AIPL1: variants seen among roughly 807,000 people sequenced by gnomAD.
The protein encoded by AIPL1 is AIP like 1 HSP90 co-chaperone, also known as aryl-hydrocarbon-interacting protein-like 1.
Under a neutral mutation model 32.9 loss-of-function variants are expected in AIPL1, and 23 were observed. The observed-to-expected ratio is 0.70, with a 90% CI of 0.50 to 0.99. The LOEUF (loss-of-function observed/expected upper bound fraction) is 0.99, where lower values mean the gene tolerates loss of function less well. Ranked by LOEUF, AIPL1 falls within the 50% of genes least tolerant of loss-of-function variation. AIPL1 has a pLI of 0.00. For missense variants in AIPL1, 485 were observed against 506.0 expected (o/e 0.96, Z 0.40); for synonymous variants, 210 against 209.4 (o/e 1.00, Z -0.02).
At chr17:6,432,771 C>T (rs1281121744) in intron 2 of AIPL1, among the ~76,000 whole-genome samples, 2 of 152,096 alleles carry the variant, frequency 1.3e-5, no homozygotes, top group East Asian at 3.9e-4. Context: ...GCTGGGATTA[C>T]AGGCATGTGC....
Position 6,425,738 on chromosome 17 carries a change from G to C in AIPL1, c.877C>G (p.Leu293Val). ...ACCGCCTTCTGCATGGACGGCTCCA[G>C]CTCCAGCACTTTCTGGAGGTCCGCC... ...AKADLQKVLE[L>V]EPSMQKAVRR... The change falls in exon 6 of 6, where the codon CTG becomes GTG. Residue 293 changes from leucine to valine, a missense_variant. Leu to Val is a conservative substitution (Grantham distance 32). Transcript: ENST00000381129. 1.9e-6 allele frequency: 3 copies of C among 1,607,644 alleles called. No homozygotes were observed. The highest frequency in any genetic ancestry group is 2.5e-6 in the Non-Finnish European group (3 of 1,180,000).
At chr17:6,432,931 G>A (rs1313230175) in intron 2 of AIPL1, among the ~76,000 whole-genome samples, 1 of 152,144 alleles carries the variant, frequency 6.6e-6, no homozygotes, top group Non-Finnish European at 1.5e-5. Flanking sequence ...ACAAATTTTA[G>A]TATTTACAGA....
intron 1 of AIPL1, 35 bp from the exon 2 acceptor site, chr17:6,434,133 C>T: frequency 6.2e-7 from 1 of 1,607,324 alleles, no homozygotes. Flanking sequence ...GCTCTAGACA[C>T]ACTGTTCAAG....
In AIPL1 at chr17:6,429,820, GTAGGTAGA is replaced by G. The variant is rs1186540517; in HGVS notation, c.277-1322_277-1315del. 7.4e-3 allele frequency among the ~76,000 whole-genome samples: 285 copies of G among 38,758 alleles called. 1 individual carries two copies. The highest frequency in any genetic ancestry group is 0.011 in the African/African-American group (203 of 18,874). The allele number at this position is 38,758 out of a possible 152,430, so 25.4% of individuals were successfully genotyped here. On this transcript the variant is annotated intron_variant, in intron 2 of 5. Transcript: ENST00000381129. ...ACTAGATAGGTAGGTAGGTAGGTAG[GTAGGTAGA>G]TAGATAGATAGATAGATAGATAGAT...
At position 6,428,270 on chromosome 17, in the gene AIPL1, C is replaced by T. The variant is rs773606526; in HGVS notation, c.465+48G>A. On this transcript the variant is annotated intron_variant, in intron 3 of 5. Transcript: ENST00000381129. ...GGGGTGCCCATGATGCCCGCTGTCC[C>T]TCTCCAGTGCTGGCACAGCCCTCCA... 1.7e-5 allele frequency: 27 copies of T among 1,598,452 alleles called. No individual in the cohort carries two copies. The Admixed American group carries it at 4.2e-4, about 25-fold the overall frequency.
chr17:6,431,396 C>T (rs112443619), intron 2 of AIPL1, among the ~76,000 whole-genome samples: 6,107 of 151,428 alleles, frequency 0.04, 255 homozygotes, highest in South Asian at 0.12. Flanking sequence ...GCAGAGGTTC[C>T]GGTGAGCCAA....
At position 6,425,810 on chromosome 17, in the gene AIPL1, C is replaced by T. The variant is rs774143285; in HGVS notation, c.805G>A (p.Val269Met). The T allele has an allele frequency of 6.2e-7, 1 of 1,604,600 alleles. No individual in the cohort carries two copies. Among genetic ancestry groups the T allele is most frequent in the African/African-American group, 1.3e-5 (1 of 75,020 alleles). ...HHPGIVKAYY[V>M]RARAHAEVWN... is the part of the protein sequence containing the mutation. Reference sequence around the variant, plus strand: ...ACCTCTGCGTGAGCCCGGGCACGCACGTAGTAGGCCTTCACGATGCCTGTG... The same window carrying T: ...ACCTCTGCGTGAGCCCGGGCACGCATGTAGTAGGCCTTCACGATGCCTGTG... The change falls in exon 6 of 6, where the codon GTG becomes ATG. Residue 269 changes from valine (V) to methionine (M), a missense_variant. Transcript: ENST00000381129.
chr17:6,425,738 G>A lies in AIPL1; in HGVS notation c.877C>T (p.Leu293=), dbSNP rs1005910129. 1 of 1,607,644 alleles carries A rather than the reference G, an allele frequency of 6.2e-7. No homozygotes were observed. Among genetic ancestry groups the A allele is most frequent in the Non-Finnish European group, 8.5e-7 (1 of 1,180,000 alleles). Residue 293 remains leucine (L), a synonymous_variant, in exon 6 of 6, where the codon CTG becomes TTG. Transcript: ENST00000381129. Reference sequence around the variant, plus strand: ...ACCGCCTTCTGCATGGACGGCTCCAGCTCCAGCACTTTCTGGAGGTCCGCC... The same window carrying A: ...ACCGCCTTCTGCATGGACGGCTCCAACTCCAGCACTTTCTGGAGGTCCGCC... ...AKADLQKVLE[L]EPSMQKAVRR...
In AIPL1 at chr17:6,433,931, C is replaced by T. The variant is rs62653018; in HGVS notation, c.264G>A (p.Trp88Ter). ...AGGGCCTACTTACGATGGTGTCGCA[C>T]CAGAACTCGGCCACCTCGTGCACCC... is the stretch of plus-strand genomic sequence containing the variant. The part of the protein sequence containing the change: ...SMRVHEVAEF[W>*]CDTIHTGVYP... Residue 88 changes from tryptophan (W) to a stop codon, truncating the protein, a stop_gained, in exon 2 of 6, where the codon TGG becomes TGA. Coordinates refer to ENST00000381129, the MANE Select transcript of AIPL1 (RefSeq NM_014336.5). LOFTEE classifies it high-confidence loss of function. The T allele has an allele frequency of 6.2e-7, 1 of 1,606,528 alleles. No individual in the cohort carries two copies. The highest frequency in any genetic ancestry group is 1.1e-5 in the South Asian group (1 of 91,002).
intron 2 of AIPL1, among the ~76,000 whole-genome samples, chr17:6,429,865 TAG>T (rs1304772250): frequency 2.0e-5 from 3 of 149,418 alleles, no homozygotes; most frequent in Non-Finnish European, 3.0e-5. Context: ...GATAGATAGA[TAG>T]ATAATAGATA....
intron 5 of AIPL1, 94 bp downstream of exon 5, chr17:6,426,521 G>T: frequency 6.5e-7 from 1 of 1,538,856 alleles, no homozygotes. Context: ...TGCCCTGGTG[G>T]GGTGGAAAGA....
intron 5 of AIPL1, chr17:6,426,401 T>C (rs1339776021): frequency 2.2e-5 from 31 of 1,432,166 alleles, no homozygotes. Flanking sequence ...GGGTAAGTGT[T>C]CAAACACACA....
At chr17:6,425,906 C>G in intron 5 of AIPL1, 76 bp from the exon 6 acceptor site, 1 of 1,541,562 alleles carries the variant, frequency 6.5e-7, no homozygotes, top group South Asian at 1.2e-5. Flanking sequence ...CTGGGACTCA[C>G]CAGCCTCCAA....
At chr17:6,434,744 A>G (rs1913002810) in intron 1 of AIPL1, among the ~76,000 whole-genome samples, 1 of 151,760 alleles carries the variant, frequency 6.6e-6, no homozygotes, top group South Asian at 2.1e-4. Flanking sequence ...GACTCCTCGG[A>G]CTCCCTTTCT....
intron 1 of AIPL1, among the ~76,000 whole-genome samples, chr17:6,434,701 G>A (rs1912997774): frequency 6.6e-6 from 1 of 152,174 alleles, no homozygotes. Flanking sequence ...TCAGTCCAGG[G>A]AAGCCTAACA....
chr17:6,425,484 G>T lies in AIPL1; in HGVS notation c.1131C>A (p.Ser377=). The change falls in exon 6 of 6, where the codon TCC becomes TCA. Residue 377 remains serine, a synonymous_variant. Coordinates refer to ENST00000381129, the MANE Select transcript of AIPL1 (RefSeq NM_014336.5). ...PAEPATEPPP[S]PGHSLQH is the part of the protein sequence containing the mutation. ...CTCAGTGCTGCAGCGAGTGCCCTGG[G>T]GACGGGGGTGGCTCTGTGGCTGGCT... The T allele has an allele frequency of 6.2e-7, 1 of 1,603,844 alleles. No individual in the cohort carries two copies. The highest frequency in any genetic ancestry group is 8.5e-7 in the Non-Finnish European group (1 of 1,177,834).
chr17:6,428,225 G>A (rs1044108487), intron 3 of AIPL1, 93 bp downstream of exon 3: 5 of 1,381,612 alleles, frequency 3.6e-6, no homozygotes, highest in Non-Finnish European at 4.1e-6. Flanking sequence ...ACAGGGCACT[G>A]TCCAGTGGCC....
In AIPL1 at chr17:6,425,496, C is replaced by T; in HGVS notation, c.1119G>A (p.Glu373=). ...SAGPPAEPAT[E]PPPSPGHSLQ... ...GCGAGTGCCCTGGGGACGGGGGTGG[C>T]TCTGTGGCTGGCTCTGCAGGGGGCC... The change falls in exon 6 of 6, where the codon GAG becomes GAA. Residue 373 remains glutamate, a synonymous_variant. Coordinates refer to ENST00000381129, the MANE Select transcript of AIPL1 (RefSeq NM_014336.5). The T allele has an allele frequency of 5.6e-6, 9 of 1,607,250 alleles. No homozygotes were observed. Among genetic ancestry groups the T allele is most frequent in the Non-Finnish European group, 7.6e-6 (9 of 1,178,758 alleles).
chr17:6,426,748 T>C lies in AIPL1; in HGVS notation c.651A>G (p.Pro217=), dbSNP rs2292546. The change falls in exon 5 of 6, where the codon CCA becomes CCG. Residue 217 remains proline (P), a synonymous_variant. Transcript: ENST00000381129. The part of the protein sequence containing the change: ...CLRNLQTKEK[P]WEVQWLKLEK... ...CCAGCTTCAGCCACTGCACCTCCCATGGCTTCTCCTGCCCAGGGAGAAGGT... is the reference window on the plus strand; with the variant it reads ...CCAGCTTCAGCCACTGCACCTCCCACGGCTTCTCCTGCCCAGGGAGAAGGT... 1,189,551 of 1,613,650 alleles carry C rather than the reference T, an allele frequency of 0.74. 439,818 individuals carry two copies. Among genetic ancestry groups the C allele is most frequent in the Middle Eastern group, 0.87 (5,269 of 6,062 alleles).
Sources: allele counts gnomAD v4.1 joint callset (sites outside exome capture counted in the v4.1 genomes callset), GRCh38; gene constraint gnomAD v4.1.1; transcripts MANE v1.5; gene names NCBI Gene and HGNC (gene_info 2026-07-23, HGNC 2026-07-21).